USPL1: variants seen among roughly 807,000 people sequenced by gnomAD.
The protein encoded by USPL1 is SUMO-specific isopeptidase USPL1.
Under a neutral mutation model 51.5 loss-of-function variants are expected in USPL1, and 27 were observed. The observed-to-expected ratio is 0.52, with a 90% CI of 0.39 to 0.72. The LOEUF (loss-of-function observed/expected upper bound fraction) is 0.72. Ranked by LOEUF, USPL1 falls within the 30% of genes least tolerant of loss-of-function variation. The pLI, the probability that USPL1 is intolerant of heterozygous loss-of-function variation, is 0.00. For missense variants in USPL1, 1,226 were observed against 1,268.0 expected, an observed-to-expected ratio of 0.97 and a Z score of 0.50; for synonymous variants, 451 against 459.6, an observed-to-expected ratio of 0.98 and a Z score of 0.24.
intron 3 of USPL1, among the ~76,000 whole-genome samples, chr13:30,627,270 A>G (rs1440641558): frequency 6.6e-6 from 1 of 152,224 alleles, no homozygotes; most frequent in Non-Finnish European, 1.5e-5. Flanking sequence ...CAAGTCAGGT[A>G]TACAGAGATA....
intron 5 of USPL1, 100 bp downstream of exon 5, chr13:30,637,957 CA>C: frequency 1.0e-6 from 1 of 970,982 alleles, no homozygotes; most frequent in East Asian, 2.6e-5. Context: ...CTTGGATGAT[CA>C]TATTCTTGGG....
At chr13:30,651,374 C>T (rs1218919510) in intron 7 of USPL1, among the ~76,000 whole-genome samples, 2 of 152,182 alleles carry the variant, frequency 1.3e-5, no homozygotes, top group Non-Finnish European at 2.9e-5. Flanking sequence ...TGAGTATCTT[C>T]TACATCCAGG....
chr13:30,632,709 G>A (rs1033341087), intron 4 of USPL1, among the ~76,000 whole-genome samples: 1 of 152,066 alleles, frequency 6.6e-6, no homozygotes, highest in African/African-American at 2.4e-5. Context: ...ACCATACCTG[G>A]CCTAGGCAGT....
chr13:30,647,304 C>CT (rs973305799), intron 7 of USPL1, among the ~76,000 whole-genome samples: 4 of 152,088 alleles, frequency 2.6e-5, no homozygotes, highest in African/African-American at 9.7e-5. Flanking sequence ...TTCTTTTTGC[C>CT]TTTTTTCTCC....
intron 1 of USPL1, among the ~76,000 whole-genome samples, chr13:30,620,659 C>G (rs548918086): frequency 6.6e-6 from 1 of 152,222 alleles, no homozygotes; most frequent in Admixed American, 6.5e-5. Context: ...TTCACTGGTT[C>G]TTTTGTTCCT....
intron 2 of USPL1, 45 bp downstream of exon 2, chr13:30,621,284 T>C (rs1455840151): frequency 1.8e-5 from 25 of 1,408,952 alleles, no homozygotes; most frequent in Middle Eastern, 1.8e-4. Context: ...TTTTTTTTTT[T>C]CTCTATTTTT....
intron 4 of USPL1, among the ~76,000 whole-genome samples, chr13:30,633,372 T>C (rs921161813): frequency 7.9e-5 from 12 of 152,188 alleles, no homozygotes; most frequent in African/African-American, 2.9e-4. Context: ...ACTGGGGTCT[T>C]GGAAGGTATC....
In USPL1 at chr13:30,659,509, A is replaced by C. The variant is rs928298162; in HGVS notation, c.*153A>C. The C allele has an allele frequency of 1.4e-5, 9 of 657,956 alleles. No homozygotes were observed. The highest frequency in any genetic ancestry group is 8.5e-4 in the Middle Eastern group (2 of 2,350). The allele number at this position is 657,956 out of a possible 1,614,324, so 40.8% of individuals were successfully genotyped here. ...GTTTAACCTTTGGTTCTGCCCATGA[A>C]GCATGTAATCTTTCTTACACATTAA... On this transcript the variant is annotated 3_prime_UTR_variant, in exon 9 of 9. Coordinates refer to ENST00000255304, the MANE Select transcript of USPL1 (RefSeq NM_005800.5).
intron 7 of USPL1, among the ~76,000 whole-genome samples, chr13:30,652,667 T>C (rs1417249061): frequency 1.3e-5 from 2 of 152,252 alleles, no homozygotes; most frequent in African/African-American, 4.8e-5. Context: ...CTTTGCTTCC[T>C]GAGGTAACTG....
chr13:30,635,849 A>G (rs1950868912), intron 4 of USPL1, among the ~76,000 whole-genome samples: 1 of 152,128 alleles, frequency 6.6e-6, no homozygotes, highest in African/African-American at 2.4e-5. Flanking sequence ...TTAATTACTG[A>G]CTAGTTTCCT....
rs1474439440 is a variant in USPL1 at position 30,648,727 on chromosome 13, A to G, written c.1238+1670A>G. On this transcript the variant is annotated intron_variant, in intron 7 of 8. Transcript: ENST00000255304. ...ACTCATATCTTTTTTGCCCCTCACT[A>G]TTATTTGATAGCATTTGTGTAGGAG... Among the ~76,000 whole-genome samples, 8 of 151,904 alleles carry G rather than the reference A, an allele frequency of 5.3e-5. No individual in the cohort carries two copies. In the East Asian group the frequency reaches 1.5e-3, roughly 29 times the overall value.
rs375316377 is a variant in USPL1 at position 30,658,062 on chromosome 13, A to G, written c.1985A>G (p.Asn662Ser). The change falls in exon 9 of 9, where the codon AAC becomes AGC. Residue 662 changes from asparagine to serine, a missense_variant. Coordinates refer to ENST00000255304, the MANE Select transcript of USPL1 (RefSeq NM_005800.5). ...TTTCCATCCCAAGTTGTAAATACAAACATGCAGTCAGTACAGCTGAATACA... is the reference window on the plus strand; with the variant it reads ...TTTCCATCCCAAGTTGTAAATACAAGCATGCAGTCAGTACAGCTGAATACA... ...ISFPSQVVNTNMQSVQLNTED... is the reference protein window; with the variant it reads ...ISFPSQVVNTSMQSVQLNTED... The G allele has an allele frequency of 2.5e-6, 4 of 1,613,196 alleles. No homozygotes were observed. Among genetic ancestry groups the G allele is most frequent in the East Asian group, 4.5e-5 (2 of 44,866 alleles).
At position 30,650,998 on chromosome 13, in the gene USPL1, CAAA is replaced by C. The variant is rs1436021268; in HGVS notation, c.1239-2149_1239-2147del. ...AGTGAGACGCCATCTCAAAAACAAA[CAAA>C]CCAAAAAAAAAAAAAAAATTTCATA... is the stretch of plus-strand genomic sequence containing the variant. On this transcript the variant is annotated intron_variant, in intron 7 of 8. Coordinates refer to ENST00000255304, the MANE Select transcript of USPL1 (RefSeq NM_005800.5). Among the ~76,000 whole-genome samples, 1,101 of 139,396 alleles carry C rather than the reference CAAA, an allele frequency of 7.9e-3. 17 individuals carry two copies. The highest frequency in any genetic ancestry group is 0.028 in the African/African-American group (1,040 of 37,680). The allele number at this position is 139,396 out of a possible 152,430, so 91.4% of individuals were successfully genotyped here.
intron 4 of USPL1, among the ~76,000 whole-genome samples, chr13:30,634,666 TG>T (rs1286125367): frequency 6.6e-6 from 1 of 152,192 alleles, no homozygotes; most frequent in Non-Finnish European, 1.5e-5. Context: ...TGTGACCATT[TG>T]GGGGGCAAGT....
chr13:30,631,325 G>C lies in USPL1; in HGVS notation c.719G>C (p.Cys240Ser), dbSNP rs148375953. ...KNAYALCWLD[C>S]ILSALVHSEE... ...GCTTATGCTCTCTGTTGGTTAGACT[G>C]TATCCTGTCAGCTTTGGTGCACTCG... Residue 240 changes from cysteine (C) to serine (S), a missense_variant, in exon 4 of 9, where the codon TGT becomes TCT. Cys to Ser is a moderately radical substitution (Grantham distance 112, BLOSUM62 -1). Transcript: ENST00000255304. 2.5e-6 allele frequency: 4 copies of C among 1,614,022 alleles called. No homozygotes were observed. The African/African-American group carries it at 5.3e-5, about 22-fold the overall frequency.
intron 5 of USPL1, among the ~76,000 whole-genome samples, chr13:30,638,710 A>G (rs950331543): frequency 2.0e-5 from 3 of 151,746 alleles, no homozygotes; most frequent in Non-Finnish European, 4.4e-5. Context: ...GTAATAACCC[A>G]TATTATGTAA....
intron 7 of USPL1, among the ~76,000 whole-genome samples, chr13:30,648,341 C>G (rs1273418733): frequency 6.6e-6 from 1 of 152,142 alleles, no homozygotes; most frequent in Admixed American, 6.5e-5. Flanking sequence ...GTTCCTCTCC[C>G]CTTTTTTTCC....
In USPL1 at chr13:30,642,692, G is replaced by A. The variant is rs1291878891; in HGVS notation, c.1047G>A (p.Lys349=). Residue 349 remains lysine (K), a synonymous_variant, in exon 6 of 9, where the codon AAG becomes AAA. Transcript: ENST00000255304. ...LLLKLETHIE[K]LFLYSFSWDF... ...TAAAACTAGAAACCCACATTGAAAA[G>A]CTCTTCCTATATTCTTTTTCTTGGG... is the stretch of plus-strand genomic sequence containing the variant. 1 of 1,613,884 alleles carries A rather than the reference G, an allele frequency of 6.2e-7. No individual in the cohort carries two copies. Among genetic ancestry groups the A allele is most frequent in the Non-Finnish European group, 8.5e-7 (1 of 1,179,896 alleles).
chr13:30,643,437 A>T (rs1272634017), intron 6 of USPL1, among the ~76,000 whole-genome samples: 2 of 152,072 alleles, frequency 1.3e-5, no homozygotes, highest in African/African-American at 4.8e-5. Context: ...ACGTAAGGAG[A>T]GGAATAGGTT....
Sources: gnomAD v4.1 joint callset for allele counts (sites outside exome capture counted in the v4.1 genomes callset) on GRCh38, gnomAD v4.1.1 for gene constraint, MANE v1.5 for transcripts, NCBI Gene and HGNC (gene_info 2026-07-23, HGNC 2026-07-21) for gene names.